Variants in PDE9A observed in about 807,000 individuals in gnomAD.
PDE9A encodes high affinity cGMP-specific 3',5'-cyclic phosphodiesterase 9A.
In PDE9A, 60 loss-of-function variants were observed where a neutral mutation model predicts 87.4. The observed-to-expected ratio is 0.69, with a 90% CI of 0.56 to 0.85. The LOEUF is 0.85. PDE9A is among the 40% of genes least tolerant of loss of function. The pLI, the probability that PDE9A is intolerant of heterozygous loss-of-function variation, is 0.00. For synonymous variants in PDE9A, 272 were observed against 279.4 expected (o/e 0.97, Z 0.27); for missense variants, 665 against 779.0 (o/e 0.85, Z 1.74).
intron 3 of PDE9A, among the ~76,000 whole-genome samples, chr21:42,693,786 T>G (rs1400008758): frequency 6.6e-6 from 1 of 151,188 alleles, no homozygotes; most frequent in Non-Finnish European, 1.5e-5. Flanking sequence ...AAGATGGGGT[T>G]TCTCCATGTT....
At chr21:42,716,311 C>T (rs550138334) in intron 4 of PDE9A, among the ~76,000 whole-genome samples, 44 of 151,922 alleles carry the variant, frequency 2.9e-4, no homozygotes, top group African/African-American at 8.2e-4. Context: ...AGCTGCCAAA[C>T]GGTCTTCCAA....
rs1230432762 is a variant in PDE9A, at chr21:42,733,394, A to G, written c.536A>G (p.Asn179Ser). The change falls in exon 7 of 20, where the codon AAT becomes AGT. Residue 179 changes from asparagine to serine, a missense_variant. Physicochemically the swap from Asn to Ser is conservative, Grantham distance 46. Coordinates refer to ENST00000291539, the MANE Select transcript of PDE9A (RefSeq NM_002606.3). ...KINELKAEVA[N>S]HLAVLEKRVE... ...AATGAACTGAAAGCTGAAGTTGCAAATCACTTGGCTGTCCTAGAGAAACGC... is the reference window on the plus strand; with the variant it reads ...AATGAACTGAAAGCTGAAGTTGCAAGTCACTTGGCTGTCCTAGAGAAACGC... 3 of 1,605,988 alleles carry G rather than the reference A, an allele frequency of 1.9e-6. No individual in the cohort carries two copies. In the African/African-American group the frequency reaches 4.0e-5, roughly 21 times the overall value.
chr21:42,752,645 G>A (rs2054557155), intron 9 of PDE9A, among the ~76,000 whole-genome samples: 1 of 152,212 alleles, frequency 6.6e-6, no homozygotes, highest in African/African-American at 2.4e-5. Context: ...CCTGTCCCAG[G>A]GAGCCGTGAA....
rs573633074 is a variant in PDE9A, at chr21:42,772,501, A to C, written c.1749A>C (p.Arg583Ser). ...CCGAGAAGTCCAGAGAGAGAAGCAG[A>C]GATGTGAAAAACAGTGAAGGTAATG... ...GATEKSRERS[R>S]DVKNSEGDCA Residue 583 changes from arginine (R) to serine (S), a missense_variant, in exon 19 of 20, where the codon AGA becomes AGC. Coordinates refer to ENST00000291539, the MANE Select transcript of PDE9A (RefSeq NM_002606.3). 5.4e-5 allele frequency: 87 copies of C among 1,607,260 alleles called. No homozygotes were observed. The highest frequency in any genetic ancestry group is 7.4e-5 in the Non-Finnish European group (87 of 1,176,814).
At chr21:42,765,604 G>C in intron 15 of PDE9A, 110 bp downstream of exon 15, 1 of 722,100 alleles carries the variant, frequency 1.4e-6, no homozygotes, top group Non-Finnish European at 2.6e-6. Context: ...AGTCTTCTTG[G>C]AACAAGGTGT....
rs370463334 is a variant in PDE9A at position 42,775,301 on chromosome 21, G to C, written c.*8G>C. Reference sequence around the variant, plus strand: ...CCAGGAGACTGTGCCTGAGGAAAGCGGGGGGCGTGGCTGCAGTTCTGGACG... The same window carrying C: ...CCAGGAGACTGTGCCTGAGGAAAGCCGGGGGCGTGGCTGCAGTTCTGGACG... On this transcript the variant is annotated 3_prime_UTR_variant, in exon 20 of 20. Coordinates refer to ENST00000291539, the MANE Select transcript of PDE9A (RefSeq NM_002606.3). The C allele has an allele frequency of 6.2e-7, 1 of 1,609,302 alleles. No homozygotes were observed. Among genetic ancestry groups the C allele is most frequent in the South Asian group, 1.1e-5 (1 of 90,006 alleles).
intron 15 of PDE9A, among the ~76,000 whole-genome samples, chr21:42,766,930 G>A (rs1038255573): frequency 5.9e-5 from 9 of 152,192 alleles, no homozygotes; most frequent in African/African-American, 2.2e-4. Flanking sequence ...CAGGTGGTCA[G>A]GACAAGTGAA....
chr21:42,669,847 T>TG (rs1224958856), intron 1 of PDE9A, among the ~76,000 whole-genome samples: 2 of 152,100 alleles, frequency 1.3e-5, no homozygotes, highest in Non-Finnish European at 2.9e-5. Flanking sequence ...CCACGGATAA[T>TG]GAGGGACAGA....
At chr21:42,765,294 G>A in intron 14 of PDE9A, 87 bp from the exon 15 acceptor site, 1 of 690,174 alleles carries the variant, frequency 1.4e-6, no homozygotes, top group East Asian at 2.7e-5. Flanking sequence ...GAAATAATGT[G>A]TGCAGGGGGC....
In PDE9A at chr21:42,692,050, A is replaced by G. The variant is rs1245226664; in HGVS notation, c.218+4056A>G. Among the ~76,000 whole-genome samples, 4 of 152,094 alleles carry G rather than the reference A, an allele frequency of 2.6e-5. No individual in the cohort carries two copies. Among genetic ancestry groups the G allele is most frequent in the Non-Finnish European group, 5.9e-5 (4 of 68,024 alleles). ...GTGCGCCTCAGTCTGAAGTGATCTCACTTACTTGTTTGAGGTTCTCACTGC... is the reference window on the plus strand; with the variant it reads ...GTGCGCCTCAGTCTGAAGTGATCTCGCTTACTTGTTTGAGGTTCTCACTGC... On this transcript the variant is annotated intron_variant, in intron 3 of 19. Transcript: ENST00000291539. The surrounding 1 kb of genome is among the most constrained non-coding windows in gnomAD (Gnocchi z 4.3).
intron 1 of PDE9A, among the ~76,000 whole-genome samples, chr21:42,662,792 AAG>A (rs1317428322): frequency 2.4e-5 from 3 of 127,460 alleles, no homozygotes; most frequent in African/African-American, 3.3e-5. Context: ...CACACACACC[AAG>A]CACACACACA....
At position 42,723,482 on chromosome 21, in the gene PDE9A, T is replaced by C. The variant is rs2050733571; in HGVS notation, c.263-8288T>C. Among the ~76,000 whole-genome samples, 1 of 152,202 alleles carries C rather than the reference T, an allele frequency of 6.6e-6. No individual in the cohort carries two copies. The highest frequency in any genetic ancestry group is 2.4e-5 in the African/African-American group (1 of 41,444). On this transcript the variant is annotated intron_variant, in intron 4 of 19. Transcript: ENST00000291539. The surrounding 1 kb of genome is among the most constrained non-coding windows in gnomAD (Gnocchi z 4.3). ...CTGAAGAGGAGCCTACCTAAACCTG[T>C]CATTACAACTGATTGATCCTTGGTG...
At chr21:42,657,964 C>T (rs2057213225) in intron 1 of PDE9A, among the ~76,000 whole-genome samples, 1 of 152,244 alleles carries the variant, frequency 6.6e-6, no homozygotes, top group Non-Finnish European at 1.5e-5. Context: ...TGAATGCGCA[C>T]AGCCCAAAGG....
chr21:42,712,197 CATT>C (rs1358338014), intron 4 of PDE9A, among the ~76,000 whole-genome samples: 1 of 152,190 alleles, frequency 6.6e-6, no homozygotes, highest in Non-Finnish European at 1.5e-5. Flanking sequence ...ATTTAGGTCT[CATT>C]TAACTTCTCA....
intron 4 of PDE9A, among the ~76,000 whole-genome samples, chr21:42,718,858 T>G (rs563229485): frequency 1.3e-5 from 2 of 151,920 alleles, no homozygotes; most frequent in East Asian, 3.9e-4. Flanking sequence ...AGATTATGAA[T>G]AACACCTAGG....
intron 1 of PDE9A, among the ~76,000 whole-genome samples, chr21:42,681,088 C>T (rs1356587492): frequency 6.6e-6 from 1 of 152,180 alleles, no homozygotes; most frequent in East Asian, 1.9e-4. Context: ...TTGTGTAATT[C>T]TTTTCAAACC....
chr21:42,724,934 T>C (rs1053012607), intron 4 of PDE9A, among the ~76,000 whole-genome samples: 2 of 152,246 alleles, frequency 1.3e-5, no homozygotes, highest in African/African-American at 4.8e-5. Flanking sequence ...AACTCTTCCT[T>C]AACTGTTATT....
Position 42,659,207 on chromosome 21 carries a change from TCC to T in PDE9A, c.69+5327_69+5328del, listed in dbSNP as rs2057307577. 1.3e-5 allele frequency among the ~76,000 whole-genome samples: 2 copies of T among 152,036 alleles called. No homozygotes were observed. The highest frequency in any genetic ancestry group is 2.9e-5 in the Non-Finnish European group (2 of 68,006). Reference sequence around the variant, plus strand: ...TCCTTCCCATTGGTGTGGTCCGAATTCCCCTTTAGCCAGACATTTCCAATGTC... The same window carrying T: ...TCCTTCCCATTGGTGTGGTCCGAATTCCTTTAGCCAGACATTTCCAATGTC... On this transcript the variant is annotated intron_variant, in intron 1 of 19. Transcript: ENST00000291539. This position sits in a 1 kb window ranked among gnomAD's most constrained non-coding sequence, Gnocchi z 4.1.
chr21:42,761,916 G>C (rs187396614), intron 13 of PDE9A, among the ~76,000 whole-genome samples, 167 bp from the exon 14 acceptor site: 2 of 152,076 alleles, frequency 1.3e-5, no homozygotes, highest in African/African-American at 4.8e-5. Flanking sequence ...GCAGCTGAGC[G>C]GCAGGAGGGA....
Sources: allele counts gnomAD v4.1 joint callset (sites outside exome capture counted in the v4.1 genomes callset), GRCh38; gene constraint gnomAD v4.1.1; non-coding constraint Gnocchi (gnomAD v3.1); transcripts MANE v1.5; gene names NCBI Gene and HGNC (gene_info 2026-07-23, HGNC 2026-07-21).